Variants in PREP observed in about 807,000 individuals in gnomAD.
PREP encodes the protein dJ355L5.1 (prolyl endopeptidase).
In PREP, 29 loss-of-function variants were observed where a neutral mutation model predicts 87.6. The observed-to-expected ratio is 0.33, with a 90% CI of 0.25 to 0.45. The LOEUF (loss-of-function observed/expected upper bound fraction) is 0.45, where lower values mean the gene tolerates loss of function less well. Ranked by LOEUF, PREP falls within the 20% of genes least tolerant of loss-of-function variation. The probability of loss-of-function intolerance (pLI) is 1.00; values close to 1 mark genes in which losing one functional copy is unlikely to be tolerated. For missense variants in PREP, 695 were observed against 886.5 expected (o/e 0.78, Z 2.74); for synonymous variants, 337 against 328.6 (o/e 1.03, Z -0.28).
intron 7 of PREP, among the ~76,000 whole-genome samples, chr6:105,344,085 G>C (rs140123136): frequency 5.9e-5 from 9 of 152,096 alleles, no homozygotes; most frequent in Non-Finnish European, 1.2e-4. Context: ...TGTTTATTGC[G>C]GCACTATTCA....
At chr6:105,360,956 T>C (rs1052087728) in intron 6 of PREP, among the ~76,000 whole-genome samples, 8 of 152,090 alleles carry the variant, frequency 5.3e-5, no homozygotes, top group Non-Finnish European at 8.8e-5. Flanking sequence ...TACACACACA[T>C]ATATATACAC....
At chr6:105,343,153 A>G (rs1771704537) in intron 7 of PREP, among the ~76,000 whole-genome samples, 1 of 152,250 alleles carries the variant, frequency 6.6e-6, no homozygotes, top group Admixed American at 6.5e-5. Flanking sequence ...TAACCAAAAC[A>G]GCATGGTACT....
chr6:105,343,194 A>AC (rs1257433528), intron 7 of PREP, among the ~76,000 whole-genome samples: 2 of 152,216 alleles, frequency 1.3e-5, no homozygotes, highest in Admixed American at 6.5e-5. Flanking sequence ...GACCAATGGA[A>AC]CAGAACAGAG....
intron 14 of PREP, among the ~76,000 whole-genome samples, chr6:105,279,964 G>A (rs1770043247): frequency 6.6e-6 from 1 of 152,120 alleles, no homozygotes; most frequent in Non-Finnish European, 1.5e-5. Context: ...TTCTACCAAT[G>A]TGTGTCAATG....
intron 7 of PREP, among the ~76,000 whole-genome samples, chr6:105,339,609 G>A (rs1050996808): frequency 1.3e-5 from 2 of 152,096 alleles, no homozygotes; most frequent in South Asian, 2.1e-4. Context: ...GAGGATATTC[G>A]AACCCATTGC....
chr6:105,356,956 A>G (rs1772115327), intron 6 of PREP, among the ~76,000 whole-genome samples: 1 of 152,180 alleles, frequency 6.6e-6, no homozygotes, highest in South Asian at 2.1e-4. Flanking sequence ...ACTGGCTTCC[A>G]CATTTTAAAT....
At position 105,312,954 on chromosome 6, in the gene PREP, G is replaced by A. The variant is rs1246127222; in HGVS notation, c.1317+10711C>T. Among the ~76,000 whole-genome samples the A allele has an allele frequency of 2.0e-5, 3 of 152,196 alleles. 1 individual carries two copies. The East Asian group carries it at 5.8e-4, about 29-fold the overall frequency. On this transcript the variant is annotated intron_variant, in intron 10 of 14. Coordinates refer to ENST00000652536, the MANE Select transcript of PREP (RefSeq NM_002726.5). ...ATGTACCCAACACAGACAATGACAAGGAACTTGCATGTGTTTCTATGAGGT... is the reference window on the plus strand; with the variant it reads ...ATGTACCCAACACAGACAATGACAAAGAACTTGCATGTGTTTCTATGAGGT...
rs138640498 is a variant in PREP, at chr6:105,323,704, G to A, written c.1278C>T (p.Thr426=). The change falls in exon 10 of 15, where the codon ACC becomes ACT. Residue 426 remains threonine (T), a synonymous_variant. Coordinates refer to ENST00000652536, the MANE Select transcript of PREP (RefSeq NM_002726.5). ...AATCAGAAGCATCAATTCCTTTTAC[G>A]GTCACCTCTCGGAAAACTCTTGGCT... ...ELEPRVFREV[T]VKGIDASDYQ... is the part of the protein sequence containing the mutation. 133 of 1,613,154 alleles carry A rather than the reference G, an allele frequency of 8.2e-5. No homozygotes were observed. The African/African-American group carries it at 9.7e-4, about 12-fold the overall frequency.
At chr6:105,394,992 C>T (rs113985122) in intron 2 of PREP, among the ~76,000 whole-genome samples, 4 of 152,248 alleles carry the variant, frequency 2.6e-5, no homozygotes, top group African/African-American at 9.6e-5. Context: ...TGAAAACAAT[C>T]ATTTCCAACA....
intron 2 of PREP, among the ~76,000 whole-genome samples, chr6:105,392,721 C>T (rs529406850): frequency 1.3e-5 from 2 of 152,332 alleles, no homozygotes; most frequent in South Asian, 4.1e-4. Context: ...GAATTACAGG[C>T]ATGTGCCGCC....
Position 105,376,287 on chromosome 6 carries a change from T to C in PREP, c.255-32A>G, listed in dbSNP as rs746503402. ...AACAGAGATGGTCTTTATTCAGCTG[T>C]GGAGTTTTCTATTTGTGGAGTAAAA... On this transcript the variant is annotated intron_variant, in intron 3 of 14. Transcript: ENST00000652536. 5 of 1,597,584 alleles carry C rather than the reference T, an allele frequency of 3.1e-6. No individual in the cohort carries two copies. In the African/African-American group the frequency reaches 6.7e-5, roughly 22 times the overall value.
intron 1 of PREP, among the ~76,000 whole-genome samples, chr6:105,401,482 A>G (rs1220314019): frequency 1.3e-5 from 2 of 152,266 alleles, no homozygotes; most frequent in Non-Finnish European, 2.9e-5. Context: ...AAAAAGGCCC[A>G]TAACAGGTAA....
chr6:105,280,846 GGT>G (rs1186099606), intron 14 of PREP: 1 of 152,280 alleles, frequency 6.6e-6, no homozygotes, highest in Non-Finnish European at 1.5e-5. Flanking sequence ...TGGGATCACA[GGT>G]ATGAGCCACC....
intron 3 of PREP, 90 bp downstream of exon 3, chr6:105,377,296 C>T: frequency 7.2e-7 from 1 of 1,388,570 alleles, no homozygotes; most frequent in Non-Finnish European, 9.8e-7. Context: ...TAATCTTATA[C>T]AAGGACAAGT....
At position 105,285,590 on chromosome 6, in the gene PREP, A is replaced by G; in HGVS notation, c.1455-10T>C. The stretch of plus-strand genomic sequence containing the variant: ...AATAAGCCTGGAAACACTGAGAAGC[A>G]GTAAAAACAGTTAACCTTCCATTAA... On this transcript the variant is annotated splice_polypyrimidine_tract_variant and intron_variant, in intron 11 of 14. Transcript: ENST00000652536. 1 of 1,607,050 alleles carries G rather than the reference A, an allele frequency of 6.2e-7. No individual in the cohort carries two copies. The highest frequency in any genetic ancestry group is 8.5e-7 in the Non-Finnish European group (1 of 1,173,560).
At chr6:105,358,067 C>T (rs767181983) in intron 6 of PREP, among the ~76,000 whole-genome samples, 7 of 152,020 alleles carry the variant, frequency 4.6e-5, no homozygotes, top group Non-Finnish European at 1.0e-4. Flanking sequence ...CCTAAATTTA[C>T]AAATTCCTAA....
At position 105,376,246 on chromosome 6, in the gene PREP, A is replaced by G; in HGVS notation, c.264T>C (p.Tyr88=). Residue 88 remains tyrosine (Y), a synonymous_variant, in exon 4 of 15, where the codon TAT becomes TAC. Coordinates refer to ENST00000652536, the MANE Select transcript of PREP (RefSeq NM_002726.5). The part of the protein sequence containing the change: ...CHFKKGKRYF[Y]FYNTGLQNQR... Reference sequence around the variant, plus strand: ...GGTTCTGCAAACCTGTATTGTAAAAATAAAAATACCTGGGGAACAGAGATG... The same window carrying G: ...GGTTCTGCAAACCTGTATTGTAAAAGTAAAAATACCTGGGGAACAGAGATG... 4 of 1,613,462 alleles carry G rather than the reference A, an allele frequency of 2.5e-6. No individual in the cohort carries two copies. The highest frequency in any genetic ancestry group is 3.4e-6 in the Non-Finnish European group (4 of 1,179,652).
chr6:105,369,351 T>C (rs1436728949), intron 5 of PREP, among the ~76,000 whole-genome samples: 2 of 152,250 alleles, frequency 1.3e-5, no homozygotes, highest in African/African-American at 2.4e-5. Flanking sequence ...TGTTCATGGA[T>C]AGGAAGACTC....
At chr6:105,380,427 T>C (rs1772807109) in intron 2 of PREP, among the ~76,000 whole-genome samples, 1 of 152,082 alleles carries the variant, frequency 6.6e-6, no homozygotes, top group Non-Finnish European at 1.5e-5. Context: ...AAATAAGCCA[T>C]GATTGGGTAA....
Sources: allele counts gnomAD v4.1 joint callset (sites outside exome capture counted in the v4.1 genomes callset), GRCh38; gene constraint gnomAD v4.1.1; transcripts MANE v1.5; gene names NCBI Gene and HGNC (gene_info 2026-07-23, HGNC 2026-07-21).